RANBP17: variants seen among roughly 807,000 people sequenced by gnomAD.
RANBP17 encodes the protein RAN binding protein 17.
RANBP17 carries 158 observed loss-of-function variants against 141.2 expected under a neutral mutation model. The observed-to-expected ratio is 1.12, with a 90% CI of 0.98 to 1.28. The LOEUF is 1.28. Among genes scored for constraint, RANBP17 ranks in the 50% most tolerant of loss-of-function variants. The pLI is 0.00. For synonymous variants in RANBP17, 430 were observed against 450.0 expected (o/e 0.96, Z 0.56); for missense variants, 1,438 against 1,290.7 (o/e 1.11, Z -1.75).
At chr5:171,024,754 G>A (rs1781119357) in intron 14 of RANBP17, among the ~76,000 whole-genome samples, 1 of 150,670 alleles carries the variant, frequency 6.6e-6, no homozygotes, top group Non-Finnish European at 1.5e-5. Flanking sequence ...GATCTTTAGT[G>A]TTACAGTATA....
intron 24 of RANBP17, among the ~76,000 whole-genome samples, chr5:171,261,090 C>CCCCA (rs1554125343): frequency 5.8e-5 from 4 of 68,502 alleles, no homozygotes; most frequent in Admixed American, 2.5e-4. Flanking sequence ...CCACCCCCCC[C>CCCCA]AAAAAAAAAA....
chr5:171,147,122 T>C (rs1435912694), intron 14 of RANBP17, among the ~76,000 whole-genome samples: 3 of 152,154 alleles, frequency 2.0e-5, no homozygotes, highest in Non-Finnish European at 4.4e-5. Context: ...CATCTAGTGA[T>C]AGAATCCAGG....
chr5:170,914,064 A>ATTC (rs1771748409), intron 7 of RANBP17, 103 bp from the exon 8 acceptor site: 1 of 738,276 alleles, frequency 1.4e-6, no homozygotes, highest in African/African-American at 1.8e-5. Flanking sequence ...AGGAATGGCC[A>ATTC]CATGCAGAGG....
intron 1 of RANBP17, among the ~76,000 whole-genome samples, chr5:170,873,449 A>G (rs939582856): frequency 3.9e-5 from 6 of 152,238 alleles, no homozygotes; most frequent in African/African-American, 1.4e-4. Flanking sequence ...TACCTCTGGT[A>G]GAATTCGACT....
chr5:171,221,324 A>C (rs967654200), intron 21 of RANBP17, among the ~76,000 whole-genome samples: 1 of 152,228 alleles, frequency 6.6e-6, no homozygotes, highest in African/African-American at 2.4e-5. Context: ...TTTCCTACTC[A>C]TCACTTTAGA....
At chr5:171,260,156 C>T (rs1033925527) in intron 24 of RANBP17, among the ~76,000 whole-genome samples, 3 of 150,978 alleles carry the variant, frequency 2.0e-5, no homozygotes, top group South Asian at 2.1e-4. Context: ...AAAAATTAGC[C>T]GGGCGTGGTG....
chr5:171,058,416 G>C (rs1345897054), intron 14 of RANBP17, among the ~76,000 whole-genome samples: 1 of 148,706 alleles, frequency 6.7e-6, no homozygotes, highest in Non-Finnish European at 1.5e-5. Flanking sequence ...GCGGTGTTTG[G>C]TTTTTTGTCC....
chr5:171,191,551 A>G (rs1418717794), intron 18 of RANBP17, among the ~76,000 whole-genome samples: 1 of 152,046 alleles, frequency 6.6e-6, no homozygotes, highest in Non-Finnish European at 1.5e-5. Context: ...GCCAGGCGTC[A>G]TGGCGGGTCT....
intron 14 of RANBP17, among the ~76,000 whole-genome samples, chr5:171,148,958 A>G (rs891484498): frequency 3.9e-5 from 6 of 152,180 alleles, no homozygotes; most frequent in African/African-American, 1.4e-4. Context: ...AGCTGTTCAT[A>G]TTATCGTCAT....
chr5:170,878,079 ATT>A lies in RANBP17; in HGVS notation c.19-10_19-9del. On this transcript the variant is annotated splice_polypyrimidine_tract_variant and intron_variant, in intron 1 of 27. Coordinates refer to ENST00000523189, the MANE Select transcript of RANBP17 (RefSeq NM_022897.5). ...TTTTTTTCATTGAAGTAAAATGTTA[ATT>A]TTTTTTTCTTTGAAGAGTTTGGCTG... 1.3e-6 allele frequency: 2 copies of A among 1,515,830 alleles called. No individual in the cohort carries two copies. The highest frequency in any genetic ancestry group is 2.1e-5 in the Admixed American group (1 of 46,864). The allele number at this position is 1,515,830 out of a possible 1,614,324, so 93.9% of individuals were successfully genotyped here. A position where few individuals can be genotyped will look rare whatever the true frequency, so the allele number is the denominator to read the frequency against.
intron 1 of RANBP17, 147 bp from the exon 2 acceptor site, chr5:170,877,950 G>A (rs778825513): frequency 4.4e-6 from 2 of 459,220 alleles, no homozygotes; most frequent in Non-Finnish European, 7.3e-6. Context: ...GTTTGCAACT[G>A]TATCCCCTAG....
In RANBP17 at chr5:170,995,383, C is replaced by T. The variant is rs190247074; in HGVS notation, c.1710+27006C>T. ...AATTGTTCTCCAATTTATTTTGTAACCTACTTTTATTTTGTAACCTACTTT... is the reference window on the plus strand; with the variant it reads ...AATTGTTCTCCAATTTATTTTGTAATCTACTTTTATTTTGTAACCTACTTT... On this transcript the variant is annotated intron_variant, in intron 14 of 27. Transcript: ENST00000523189. Among the ~76,000 whole-genome samples, 197 of 152,094 alleles carry T rather than the reference C, an allele frequency of 1.3e-3. 1 individual carries two copies. Among genetic ancestry groups the T allele is most frequent in the African/African-American group, 4.6e-3 (192 of 41,506 alleles).
Position 171,297,901 on chromosome 5 carries a change from G to T in RANBP17, c.3171-861G>T, listed in dbSNP as rs550884828. On this transcript the variant is annotated intron_variant, in intron 27 of 27. Transcript: ENST00000523189. ...GACAGAGTCTCGCTCTGTTTCCCAG[G>T]CTGGAGTGCAGTGGCGTGATCTCAG... 5.9e-5 allele frequency among the ~76,000 whole-genome samples: 8 copies of T among 135,414 alleles called. No individual in the cohort carries two copies. In the South Asian group the frequency reaches 1.4e-3, roughly 24 times the overall value. The allele number at this position is 135,414 out of a possible 152,430, so 88.8% of individuals were successfully genotyped here.
chr5:171,000,862 GAT>G (rs1161034993), intron 14 of RANBP17, among the ~76,000 whole-genome samples: 2 of 152,160 alleles, frequency 1.3e-5, no homozygotes, highest in African/African-American at 4.8e-5. Context: ...GGGTGGGGAA[GAT>G]TACAAAGTAC....
intron 14 of RANBP17, among the ~76,000 whole-genome samples, chr5:171,046,333 C>T (rs1394023755): frequency 3.3e-5 from 5 of 151,580 alleles, no homozygotes; most frequent in African/African-American, 9.7e-5. Context: ...CTCAGCCTCC[C>T]GAGTAGCTGG....
chr5:171,108,234 G>T (rs1348307519), intron 14 of RANBP17, among the ~76,000 whole-genome samples: 1 of 152,008 alleles, frequency 6.6e-6, no homozygotes, highest in Non-Finnish European at 1.5e-5. Context: ...TTGAGGTGGG[G>T]GAGGGTCTTA....
At chr5:171,110,077 AT>A (rs1755116063) in intron 14 of RANBP17, among the ~76,000 whole-genome samples, 2 of 151,836 alleles carry the variant, frequency 1.3e-5, no homozygotes, top group Non-Finnish European at 2.9e-5. Flanking sequence ...TTATTTATAT[AT>A]TTTATCATAT....
At chr5:171,150,546 A>G (rs1758401347) in intron 14 of RANBP17, among the ~76,000 whole-genome samples, 1 of 152,108 alleles carries the variant, frequency 6.6e-6, no homozygotes, top group Non-Finnish European at 1.5e-5. Context: ...ATTTATAAAT[A>G]CCTTTTTGCA....
At chr5:171,229,457 C>T (rs1186914645) in intron 22 of RANBP17, among the ~76,000 whole-genome samples, 4 of 151,940 alleles carry the variant, frequency 2.6e-5, no homozygotes, top group African/African-American at 4.8e-5. Flanking sequence ...TGCAATGGCA[C>T]GATCTTAGCT....
Sources: gnomAD v4.1 joint callset for allele counts (sites outside exome capture counted in the v4.1 genomes callset) on GRCh38, gnomAD v4.1.1 for gene constraint, MANE v1.5 for transcripts, NCBI Gene and HGNC (gene_info 2026-07-23, HGNC 2026-07-21) for gene names.